The following MAN1C1 variants were observed in gnomAD, a reference collection of about 807,000 sequenced individuals.
MAN1C1 encodes the protein mannosidase alpha class 1C member 1.
Under a neutral mutation model 71.5 loss-of-function variants are expected in MAN1C1, and 49 were observed. That is an observed-to-expected ratio of 0.69 (90% CI 0.54 to 0.87). The LOEUF (loss-of-function observed/expected upper bound fraction) is 0.87, where lower values mean the gene tolerates loss of function less well. Among genes scored for constraint, MAN1C1 ranks in the 40% least tolerant of loss-of-function variants. MAN1C1 has a pLI of 0.00. For missense variants in MAN1C1, 743 were observed against 835.0 expected (o/e 0.89, Z 1.36); for synonymous variants, 352 against 343.7 (o/e 1.02, Z -0.27).
In MAN1C1 at chr1:25,678,450, C is replaced by G. The variant is rs543022176; in HGVS notation, c.541-7990C>G. Among the ~76,000 whole-genome samples the G allele has an allele frequency of 3.9e-5, 6 of 152,250 alleles. No homozygotes were observed. The East Asian group carries it at 1.2e-3, about 29-fold the overall frequency. On this transcript the variant is annotated intron_variant, in intron 1 of 11. Transcript: ENST00000374332. ...TATCTCCCCAAGTGAACTACTTTAC[C>G]GTATTGTCTCAAAATCGTTAAACAG...
At chr1:25,655,077 G>A (rs563490938) in intron 1 of MAN1C1, among the ~76,000 whole-genome samples, 1 of 152,276 alleles carries the variant, frequency 6.6e-6, no homozygotes, top group East Asian at 1.9e-4. Context: ...GTGTGCTTGT[G>A]CTTTTTTAAA....
intron 1 of MAN1C1, among the ~76,000 whole-genome samples, chr1:25,677,654 T>C (rs1199667802): frequency 6.6e-6 from 1 of 152,124 alleles, no homozygotes; most frequent in East Asian, 1.9e-4. Context: ...GTGCTATTAG[T>C]GTCTGTGTCC....
rs562691850 is a variant in MAN1C1, at chr1:25,779,232, T to C, written c.1477+908T>C. Among the ~76,000 whole-genome samples, 54 of 152,154 alleles carry C rather than the reference T, an allele frequency of 3.5e-4. No homozygotes were observed. Among genetic ancestry groups the C allele is most frequent in the African/African-American group, 1.3e-3 (54 of 41,520 alleles). Reference sequence around the variant, plus strand: ...CTGATGGCCAGGAGCCGCTACACCATTTGAAAAGATTAGAGAGGCCAGATG... The same window carrying C: ...CTGATGGCCAGGAGCCGCTACACCACTTGAAAAGATTAGAGAGGCCAGATG... On this transcript the variant is annotated intron_variant, in intron 9 of 11. Transcript: ENST00000374332. The surrounding 1 kb of genome is among the most constrained non-coding windows in gnomAD (Gnocchi z 4.6).
rs1398221191 is a variant in MAN1C1 at position 25,663,998 on chromosome 1, CTGGTAGGGTTCTTCTTG to C, written c.541-22424_541-22408del. Among the ~76,000 whole-genome samples the C allele has an allele frequency of 4.6e-5, 7 of 152,312 alleles. No homozygotes were observed. The South Asian group carries it at 8.3e-4, about 18-fold the overall frequency. On this transcript the variant is annotated intron_variant, in intron 1 of 11. Coordinates refer to ENST00000374332, the MANE Select transcript of MAN1C1 (RefSeq NM_020379.4). ...AAACATGACTTAGTTCTTCCTGAGG[CTGGTAGGGTTCTTCTTG>C]TGGTAGGGTTCTTCTTGGTGCTTCT... is the stretch of plus-strand genomic sequence containing the variant.
intron 1 of MAN1C1, among the ~76,000 whole-genome samples, chr1:25,644,057 T>C (rs373280153): frequency 6.7e-4 from 102 of 152,284 alleles, no homozygotes; most frequent in African/African-American, 2.2e-3. Context: ...TGCCAGGCAA[T>C]GCCTGACATG....
chr1:25,751,927 G>A (rs1179479771), intron 4 of MAN1C1, among the ~76,000 whole-genome samples: 1 of 152,112 alleles, frequency 6.6e-6, no homozygotes, highest in Non-Finnish European at 1.5e-5. Context: ...TCTTCCCTTA[G>A]TCCTTGAGCT....
chr1:25,652,345 TGTAAGGATCACTCAC>T (rs2045704401), intron 1 of MAN1C1, among the ~76,000 whole-genome samples: 1 of 152,200 alleles, frequency 6.6e-6, no homozygotes, highest in Non-Finnish European at 1.5e-5. Flanking sequence ...CTGGAACTCT[TGTAAGGATCACTCAC>T]TGCCAAGGAG....
chr1:25,768,336 TCACA>T lies in MAN1C1; in HGVS notation c.1142-3315_1142-3312del, dbSNP rs560569254. ...CCCTTCACGTACATCCACACTCCCC[TCACA>T]CACACCACACACACACATTACATAC... On this transcript the variant is annotated intron_variant, in intron 7 of 11. Transcript: ENST00000374332. 2.2e-3 allele frequency among the ~76,000 whole-genome samples: 107 copies of T among 48,940 alleles called. 1 individual carries two copies. Among genetic ancestry groups the T allele is most frequent in the African/African-American group, 9.3e-3 (100 of 10,732 alleles). 32.1% of individuals were successfully genotyped at this position (48,940 alleles called of 152,430 possible).
intron 7 of MAN1C1, among the ~76,000 whole-genome samples, chr1:25,768,231 A>C (rs2047478746): frequency 6.4e-5 from 3 of 47,074 alleles, no homozygotes; most frequent in African/African-American, 1.8e-4. Context: ...CATTACACAC[A>C]CTCCCCTCAC....
At chr1:25,770,718 C>T (rs577380927) in intron 7 of MAN1C1, among the ~76,000 whole-genome samples, 1 of 151,772 alleles carries the variant, frequency 6.6e-6, no homozygotes, top group East Asian at 1.9e-4. Flanking sequence ...TCCCCCCGCC[C>T]ACTTTCCTTC....
At chr1:25,708,749 T>G (rs1335222614) in intron 2 of MAN1C1, among the ~76,000 whole-genome samples, 1 of 152,126 alleles carries the variant, frequency 6.6e-6, no homozygotes, top group Non-Finnish European at 1.5e-5. Context: ...GTTGGGCAGT[T>G]GCTGCGCTCC....
At chr1:25,676,358 C>G (rs1479397128) in intron 1 of MAN1C1, among the ~76,000 whole-genome samples, 3 of 152,178 alleles carry the variant, frequency 2.0e-5, no homozygotes. Context: ...CCCGGGCAAC[C>G]AAACCCCACC....
chr1:25,622,881 A>G (rs1373044870), intron 1 of MAN1C1, among the ~76,000 whole-genome samples: 1 of 152,152 alleles, frequency 6.6e-6, no homozygotes, highest in Non-Finnish European at 1.5e-5. Context: ...TTTTCTCTGT[A>G]TATCTGATTT....
At position 25,769,138 on chromosome 1, in the gene MAN1C1, A is replaced by ACACACTCCCCTCACACATTC. The variant is rs2047509363; in HGVS notation, c.1142-2513_1142-2494dup. 7.3e-6 allele frequency among the ~76,000 whole-genome samples: 1 copy of ACACACTCCCCTCACACATTC among 137,280 alleles called. No homozygotes were observed. Among genetic ancestry groups the ACACACTCCCCTCACACATTC allele is most frequent in the African/African-American group, 2.8e-5 (1 of 35,912 alleles). The allele number at this position is 137,280 out of a possible 152,430, so 90.1% of individuals were successfully genotyped here. ...ACACCACACACTCCCTTCACACACT[A>ACACACTCCCCTCACACATTC]CACACTCCCCTCACACATTCCACAC... On this transcript the variant is annotated intron_variant, in intron 7 of 11. Transcript: ENST00000374332. The surrounding 1 kb of genome is among the most constrained non-coding windows in gnomAD (Gnocchi z 4.8).
At chr1:25,627,414 A>G (rs1197564625) in intron 1 of MAN1C1, among the ~76,000 whole-genome samples, 2 of 152,158 alleles carry the variant, frequency 1.3e-5, no homozygotes, top group African/African-American at 4.8e-5. Context: ...AGCTGAGACT[A>G]CAGGCATGAG....
intron 1 of MAN1C1, chr1:25,645,572 A>G (rs1349258867): frequency 6.6e-6 from 1 of 152,214 alleles, no homozygotes; most frequent in African/African-American, 2.4e-5. Context: ...TTTTGTCTTT[A>G]CTCAGTGACC....
intron 1 of MAN1C1, among the ~76,000 whole-genome samples, chr1:25,621,910 C>T (rs1165787670): frequency 2.6e-5 from 4 of 152,024 alleles, no homozygotes; most frequent in Non-Finnish European, 5.9e-5. Context: ...ATTACAGGCA[C>T]GAGCCACCGC....
intron 2 of MAN1C1, among the ~76,000 whole-genome samples, chr1:25,688,008 T>C (rs1406355919): frequency 6.6e-6 from 1 of 152,224 alleles, no homozygotes; most frequent in African/African-American, 2.4e-5. Flanking sequence ...AATGTTTTCA[T>C]AAAGAATGTT....
At chr1:25,637,316 C>G (rs1037236491) in intron 1 of MAN1C1, among the ~76,000 whole-genome samples, 1 of 151,950 alleles carries the variant, frequency 6.6e-6, no homozygotes, top group Admixed American at 6.6e-5. Flanking sequence ...GCTTAATTCA[C>G]TTTGTTTTTT....
Sources: gnomAD v4.1 joint callset for allele counts (sites outside exome capture counted in the v4.1 genomes callset) on GRCh38, gnomAD v4.1.1 for gene constraint, Gnocchi (gnomAD v3.1) non-coding constraint, MANE v1.5 for transcripts, NCBI Gene and HGNC (gene_info 2026-07-23, HGNC 2026-07-21) for gene names.